BBS2: variants seen among roughly 807,000 people sequenced by gnomAD.
BBS2 encodes BBSome complex member BBS2.
BBS2 carries 62 observed loss-of-function variants against 83.0 expected under a neutral mutation model. That is an observed-to-expected ratio of 0.75 (90% CI 0.61 to 0.92). The LOEUF is 0.92. Among genes scored for constraint, BBS2 ranks in the 40% least tolerant of loss-of-function variants. The pLI, the probability that BBS2 is intolerant of heterozygous loss-of-function variation, is 0.00. For synonymous variants in BBS2, 303 were observed against 326.1 expected (o/e 0.93, Z 0.76); for missense variants, 784 against 901.0 (o/e 0.87, Z 1.66).
intron 17 of BBS2, among the ~76,000 whole-genome samples, chr16:56,472,252 G>C (rs1484140003): frequency 6.6e-6 from 1 of 151,932 alleles, no homozygotes; most frequent in African/African-American, 2.4e-5. Context: ...TTACAAGCGT[G>C]ACCAATCACA....
downstream of BBS2, among the ~76,000 whole-genome samples, chr16:56,483,202 T>C (rs1383920789): frequency 6.6e-6 from 1 of 152,226 alleles, no homozygotes; most frequent in African/African-American, 2.4e-5. Flanking sequence ...TGCTAAGTAT[T>C]TGTGTAATTA....
Position 56,511,222 on chromosome 16 carries a change from C to T in BBS2, c.408G>A (p.Ala136=), listed in dbSNP as rs771554929. The part of the protein sequence containing the change: ...GTLGDISSPL[A]IIGGNCALQG... ...GCAGAGCACAATTGCCACCAATAAT[C>T]GCAAGAGGGGAAGAAATGTCTCCCA... The change falls in exon 3 of 17, where the codon GCG becomes GCA. Residue 136 remains alanine, a synonymous_variant. Transcript: ENST00000245157. The T allele has an allele frequency of 1.9e-6, 3 of 1,613,868 alleles. No homozygotes were observed. The highest frequency in any genetic ancestry group is 2.2e-5 in the East Asian group (1 of 44,884).
intron 12 of BBS2, 128 bp downstream of exon 12, chr16:56,499,650 G>T: frequency 7.5e-7 from 1 of 1,335,720 alleles, no homozygotes; most frequent in Non-Finnish European, 1.1e-6. Flanking sequence ...CCCCAAGTTA[G>T]AGAATTCTTT....
intron 17 of BBS2, among the ~76,000 whole-genome samples, chr16:56,472,990 G>A (rs1401441223): frequency 1.3e-5 from 2 of 152,264 alleles, no homozygotes; most frequent in East Asian, 3.9e-4. Flanking sequence ...AAGTGCAGTG[G>A]CATGATCTCG....
intron 17 of BBS2, chr16:56,475,453 G>C: frequency 6.6e-7 from 1 of 1,507,382 alleles, no homozygotes; most frequent in Non-Finnish European, 9.2e-7. Flanking sequence ...TAAGTAGATG[G>C]TGCGACTCTT....
intron 12 of BBS2, chr16:56,498,798 G>T: frequency 8.5e-7 from 1 of 1,181,982 alleles, no homozygotes; most frequent in Non-Finnish European, 1.1e-6. Flanking sequence ...ATGCTCTTAA[G>T]TAACATTCAT....
chr16:56,519,021 T>A (rs570210763), intron 1 of BBS2, among the ~76,000 whole-genome samples: 16 of 152,260 alleles, frequency 1.1e-4, no homozygotes, highest in African/African-American at 3.6e-4. Flanking sequence ...TGCATTCTTT[T>A]GTCGTTGTTC....
chr16:56,473,006 C>A (rs1338568617), intron 17 of BBS2, among the ~76,000 whole-genome samples: 1 of 152,232 alleles, frequency 6.6e-6, no homozygotes, highest in Non-Finnish European at 1.5e-5. Context: ...TCTCGGCTCA[C>A]TGCTACCTCC....
intron 15 of BBS2, among the ~76,000 whole-genome samples, chr16:56,488,923 G>C (rs1186357574): frequency 6.6e-6 from 1 of 152,138 alleles, no homozygotes; most frequent in African/African-American, 2.4e-5. Context: ...GATCAAATAT[G>C]TATTTCAGAA....
chr16:56,500,809 C>T lies in BBS2; in HGVS notation c.1397+45G>A, dbSNP rs1490285057. 6 of 1,603,864 alleles carry T rather than the reference C, an allele frequency of 3.7e-6. No individual in the cohort carries two copies. In the Admixed American group the frequency reaches 1.0e-4, roughly 27 times the overall value. The stretch of plus-strand genomic sequence containing the variant: ...TGGAAAATTTATACATCTTGCCCTC[C>T]TCTAAGTGCTGTCCTGAAATGAACT... On this transcript the variant is annotated intron_variant, in intron 11 of 16. Transcript: ENST00000245157.
At chr16:56,478,973 AT>A (rs1963591841) in intron 17 of BBS2, 2 of 152,192 alleles carry the variant, frequency 1.3e-5, no homozygotes, top group Admixed American at 6.5e-5. Flanking sequence ...ATAGTACTTC[AT>A]TTTGCATCTT....
chr16:56,508,591 T>C (rs549487717), intron 5 of BBS2, among the ~76,000 whole-genome samples: 1 of 152,294 alleles, frequency 6.6e-6, no homozygotes, highest in East Asian at 1.9e-4. Context: ...CTTTAGATAG[T>C]GCTTTTTGCT....
chr16:56,476,854 G>C (rs369051216), intron 17 of BBS2: 1 of 152,336 alleles, frequency 6.6e-6, no homozygotes, highest in African/African-American at 2.4e-5. Flanking sequence ...ATTGCAGCCG[G>C]GCATGGTGGC....
chr16:56,473,433 C>T (rs951722822), intron 17 of BBS2, among the ~76,000 whole-genome samples: 9 of 152,142 alleles, frequency 5.9e-5, no homozygotes, highest in South Asian at 4.1e-4. Flanking sequence ...TCATAATAAA[C>T]GACACATCCA....
chr16:56,519,535 G>A (rs1567588420), intron 1 of BBS2: 1 of 569,768 alleles, frequency 1.8e-6, no homozygotes, highest in Admixed American at 3.0e-5. Context: ...CCAAGTGCCT[G>A]ATGACAAGAA....
At chr16:56,476,035 C>G (rs748830413) in intron 17 of BBS2, 2 of 1,605,598 alleles carry the variant, frequency 1.2e-6, no homozygotes, top group African/African-American at 1.3e-5. Context: ...CTGTATTTGT[C>G]TTTTTCAGCT....
intron 15 of BBS2, among the ~76,000 whole-genome samples, chr16:56,495,458 A>C (rs767534315): frequency 5.3e-5 from 8 of 152,212 alleles, no homozygotes; most frequent in Non-Finnish European, 1.0e-4. Flanking sequence ...CAGAAGAATA[A>C]TACTAAACAT....
At chr16:56,505,881 T>A in intron 7 of BBS2, 69 bp downstream of exon 7, 2 of 1,191,404 alleles carry the variant, frequency 1.7e-6, no homozygotes, top group Non-Finnish European at 2.5e-6. Context: ...CTGTTCTAAG[T>A]CCTACAGCCA....
chr16:56,476,197 T>C (rs1247205282), intron 17 of BBS2: 1 of 1,611,006 alleles, frequency 6.2e-7, no homozygotes, highest in Admixed American at 1.7e-5. Flanking sequence ...ATTCATCTAT[T>C]ATGAATGACA....
Sources: gnomAD v4.1 joint callset for allele counts (sites outside exome capture counted in the v4.1 genomes callset) on GRCh38, gnomAD v4.1.1 for gene constraint, MANE v1.5 for transcripts, NCBI Gene and HGNC (gene_info 2026-07-23, HGNC 2026-07-21) for gene names.